The following ANGPT2 variants were observed in gnomAD, a reference collection of about 807,000 sequenced individuals.
The protein encoded by ANGPT2 is angiopoietin-2.
A neutral mutation model predicts 62.9 loss-of-function variants in ANGPT2; 28 were observed. That is an observed-to-expected ratio of 0.44 (90% CI 0.33 to 0.61). ANGPT2 has a LOEUF of 0.61. ANGPT2 is among the 20% of genes least tolerant of loss of function. The pLI is 0.03. For missense variants in ANGPT2, 727 were observed against 594.9 expected (o/e 1.22, Z -2.31); for synonymous variants, 284 against 207.8 (o/e 1.37, Z -3.15).
chr8:6,546,046 G>A (rs1378921842), intron 1 of ANGPT2, among the ~76,000 whole-genome samples: 2 of 152,238 alleles, frequency 1.3e-5, no homozygotes, highest in African/African-American at 2.4e-5. Flanking sequence ...CACACCCGGT[G>A]TGAGTCCCAG....
At chr8:6,508,821 G>A (rs1374012692) in intron 8 of ANGPT2, 111 bp downstream of exon 8, 4 of 1,453,024 alleles carry the variant, frequency 2.8e-6, no homozygotes, top group African/African-American at 1.4e-5. Context: ...GTCTACGTAT[G>A]AAATTGTGGA....
At chr8:6,550,063 GTTGCCCACCC>G (rs1199145947) in intron 1 of ANGPT2, among the ~76,000 whole-genome samples, 1 of 152,170 alleles carries the variant, frequency 6.6e-6, no homozygotes, top group Non-Finnish European at 1.5e-5. Flanking sequence ...CAGCACTGAT[GTTGCCCACCC>G]TTTATTTCTA....
chr8:6,527,177 A>G (rs1000524342), intron 3 of ANGPT2, among the ~76,000 whole-genome samples: 2 of 152,184 alleles, frequency 1.3e-5, no homozygotes, highest in African/African-American at 4.8e-5. Flanking sequence ...ATAGATTAGC[A>G]TGTAGAATAC....
intron 1 of ANGPT2, among the ~76,000 whole-genome samples, chr8:6,561,907 TCAGA>T (rs1344435957): frequency 6.6e-6 from 1 of 152,296 alleles, no homozygotes; most frequent in South Asian, 2.1e-4. Flanking sequence ...GAACAAACTG[TCAGA>T]CAGACCGTCC....
intron 8 of ANGPT2, among the ~76,000 whole-genome samples, chr8:6,504,104 A>G (rs2515598): frequency 0.52 from 78,821 of 151,818 alleles, 21,131 homozygotes; most frequent in African/African-American, 0.63. Context: ...GGATCACGAG[A>G]TCAGGAGACC....
intron 7 of ANGPT2, 70 bp from the exon 8 acceptor site, chr8:6,509,132 T>C: frequency 6.4e-7 from 1 of 1,559,146 alleles, no homozygotes; most frequent in South Asian, 1.2e-5. Flanking sequence ...AAATTTTTTG[T>C]GATGAAGAAT....
At chr8:6,513,006 C>T (rs567928358) in intron 7 of ANGPT2, among the ~76,000 whole-genome samples, 1 of 152,214 alleles carries the variant, frequency 6.6e-6, no homozygotes, top group African/African-American at 2.4e-5. Flanking sequence ...TGGAATAAAA[C>T]AGCACAGTCA....
chr8:6,516,195 A>T (rs1816233729), intron 5 of ANGPT2, among the ~76,000 whole-genome samples: 1 of 152,198 alleles, frequency 6.6e-6, no homozygotes, highest in Non-Finnish European at 1.5e-5. Context: ...CAGTCTGCAC[A>T]AGCTAACCCC....
chr8:6,520,699 C>G (rs1817159409), intron 4 of ANGPT2, among the ~76,000 whole-genome samples: 1 of 152,152 alleles, frequency 6.6e-6, no homozygotes, highest in African/African-American at 2.4e-5. Context: ...CCTGGCCCTT[C>G]CCTCCAATAT....
chr8:6,562,684 T>C lies in ANGPT2; in HGVS notation c.251A>G (p.Glu84Gly). 3.7e-6 allele frequency: 6 copies of C among 1,606,788 alleles called. No individual in the cohort carries two copies. Among genetic ancestry groups the C allele is most frequent in the Non-Finnish European group, 5.1e-6 (6 of 1,174,124 alleles). The change falls in exon 1 of 9, where the codon GAG (glutamate) becomes GGG (glycine). Residue 84 changes from glutamate (E) to glycine (G), a missense_variant. By Grantham distance (98) the Glu-to-Gly change is moderately conservative. Transcript: ENST00000629816. The part of the protein sequence containing the change: ...DDSVQRLQVL[E>G]NIMENNTQWL... ...CTGAGTGTTGTTTTCCATGATGTTC[T>C]CCAGCACTTGCAGCCTCTGCACCGA...
chr8:6,534,874 T>C (rs773197335), intron 1 of ANGPT2, among the ~76,000 whole-genome samples: 24 of 152,156 alleles, frequency 1.6e-4, no homozygotes, highest in Non-Finnish European at 3.4e-4. Context: ...AAAGAAGCCA[T>C]AAATAGCAGT....
chr8:6,536,826 T>G (rs1386909786), intron 1 of ANGPT2, among the ~76,000 whole-genome samples: 1 of 152,150 alleles, frequency 6.6e-6, no homozygotes, highest in Admixed American at 6.5e-5. Context: ...CCTTGATGAA[T>G]TAGTTATTTT....
chr8:6,558,214 T>G (rs1277370126), intron 1 of ANGPT2, among the ~76,000 whole-genome samples: 1 of 152,200 alleles, frequency 6.6e-6, no homozygotes, highest in Non-Finnish European at 1.5e-5. Context: ...TTTGGCATTT[T>G]AAATAAAGGG....
intron 1 of ANGPT2, among the ~76,000 whole-genome samples, chr8:6,562,336 C>T (rs751278894): frequency 6.6e-6 from 1 of 152,134 alleles, no homozygotes; most frequent in Non-Finnish European, 1.5e-5. Context: ...ACAAACAGAA[C>T]GGCACACAAG....
chr8:6,535,347 C>G (rs974817755), intron 1 of ANGPT2, among the ~76,000 whole-genome samples: 1 of 152,096 alleles, frequency 6.6e-6, no homozygotes, highest in Non-Finnish European at 1.5e-5. Context: ...AACTTAGGAA[C>G]TTTGAAAGAC....
At chr8:6,515,480 C>G (rs985313101) in intron 5 of ANGPT2, among the ~76,000 whole-genome samples, 8 of 152,184 alleles carry the variant, frequency 5.3e-5, no homozygotes, top group Non-Finnish European at 7.3e-5. Context: ...CAGTTTTTCT[C>G]TAAGCAACTC....
In ANGPT2 at chr8:6,500,473, A is replaced by G. The variant is rs975499472; in HGVS notation, c.*2628T>C. 1 of 153,426 alleles carries G rather than the reference A, an allele frequency of 6.5e-6. No homozygotes were observed. The highest frequency in any genetic ancestry group is 1.9e-4 in the East Asian group (1 of 5,248). The allele number at this position is 153,426 out of a possible 1,614,324, so 9.5% of individuals were successfully genotyped here. ...TGCAGAAGTTGCCTTTCATGTTCAA[A>G]AATGTTAATTTGTTTGTCACAGTTT... On this transcript the variant is annotated 3_prime_UTR_variant, in exon 9 of 9. Coordinates refer to ENST00000629816, the MANE Select transcript of ANGPT2 (RefSeq NM_001118887.2).
Position 6,509,038 on chromosome 8 carries a change from C to T in ANGPT2, c.1221G>A (p.Gly407=). The T allele has an allele frequency of 3.1e-6, 5 of 1,614,086 alleles. No homozygotes were observed. The South Asian group carries it at 5.5e-5, about 18-fold the overall frequency. The change falls in exon 8 of 9, where the codon GGG becomes GGA. Residue 407 remains glycine, a synonymous_variant. Transcript: ENST00000629816. ...NYRIHLKGLT[G]TAGKISSISQ... The stretch of plus-strand genomic sequence containing the variant: ...TGATGCTGCTTATTTTGCCGGCTGT[C>T]CCTGTAAGTCCTTTAAGGTGAATCC...
At chr8:6,528,244 G>T (rs1337174175) in intron 2 of ANGPT2, among the ~76,000 whole-genome samples, 1 of 152,154 alleles carries the variant, frequency 6.6e-6, no homozygotes, top group African/African-American at 2.4e-5. Flanking sequence ...GGACAATGGG[G>T]TCTGTGCCAA....
Sources: gnomAD v4.1 joint callset for allele counts (sites outside exome capture counted in the v4.1 genomes callset) on GRCh38, gnomAD v4.1.1 for gene constraint, MANE v1.5 for transcripts, NCBI Gene and HGNC (gene_info 2026-07-23, HGNC 2026-07-21) for gene names.